The following PCDHGA1 variants were observed in gnomAD, a reference collection of about 807,000 sequenced individuals.
The protein encoded by PCDHGA1 is protocadherin gamma-A1.
In PCDHGA1, 32 loss-of-function variants were observed where a neutral mutation model predicts 58.0. The ratio of observed to expected loss-of-function variants is 0.55; its 90% CI spans 0.42 to 0.74. PCDHGA1 has a LOEUF of 0.74. Ranked by LOEUF, PCDHGA1 falls within the 30% of genes least tolerant of loss-of-function variation. The probability of loss-of-function intolerance (pLI) is 0.00; values close to 1 mark genes in which losing one functional copy is unlikely to be tolerated. For synonymous variants in PCDHGA1, 498 were observed against 501.1 expected (o/e 0.99, Z 0.08); for missense variants, 1,205 against 1,182.3 (o/e 1.02, Z -0.28).
chr5:141,357,443 C>G, intron 1 of PCDHGA1: 2 of 1,614,222 alleles, frequency 1.2e-6, no homozygotes, highest in Non-Finnish European at 8.5e-7. Flanking sequence ...GGGGTTCGGG[C>G]TTTCCTGCAG....
intron 1 of PCDHGA1, among the ~76,000 whole-genome samples, chr5:141,464,966 T>C (rs192224238): frequency 1.2e-3 from 178 of 152,274 alleles, no homozygotes; most frequent in Middle Eastern, 3.4e-3. Flanking sequence ...TGTCTTGAAC[T>C]ACTGGCTTCA....
At chr5:141,399,002 C>G in intron 1 of PCDHGA1, 6 of 1,613,830 alleles carry the variant, frequency 3.7e-6, no homozygotes, top group Non-Finnish European at 4.2e-6. Context: ...AGTCTGAATT[C>G]AAAGAGCGGA....
At chr5:141,376,047 C>G (rs778307171) in intron 1 of PCDHGA1, 2 of 1,613,296 alleles carry the variant, frequency 1.2e-6, no homozygotes, top group South Asian at 2.2e-5. Flanking sequence ...CCCCCTCTCT[C>G]CGCCACTGTC....
chr5:141,487,812 T>A lies in PCDHGA1; in HGVS notation c.2422-6995T>A. ...TAACCAGAGTTGTCACAGTTTAGCA[T>A]TGGGGGCGGGTCATGCCTATATCTG... On this transcript the variant is annotated intron_variant, in intron 1 of 3. Coordinates refer to ENST00000517417, the MANE Select transcript of PCDHGA1 (RefSeq NM_018912.3). The surrounding 1 kb of genome is among the most constrained non-coding windows in gnomAD (Gnocchi z 5.0). 1 of 1,408,206 alleles carries A rather than the reference T, an allele frequency of 7.1e-7. No individual in the cohort carries two copies. The highest frequency in any genetic ancestry group is 9.7e-7 in the Non-Finnish European group (1 of 1,036,248). 87.2% of individuals were successfully genotyped at this position (1,408,206 alleles called of 1,614,324 possible). A position where few individuals can be genotyped will look rare whatever the true frequency, so the allele number is the denominator to read the frequency against.
At chr5:141,415,043 T>G in intron 1 of PCDHGA1, 2 of 1,613,396 alleles carry the variant, frequency 1.2e-6, no homozygotes, top group Non-Finnish European at 1.7e-6. Flanking sequence ...CTCTTCGCGG[T>G]GGGGGAGCAC....
intron 1 of PCDHGA1, among the ~76,000 whole-genome samples, chr5:141,449,588 C>CA (rs768743917): frequency 0.036 from 2,064 of 56,756 alleles, 20 homozygotes; most frequent in Middle Eastern, 0.06. Context: ...GACTCTGTCT[C>CA]AAAAAAAAAA....
At position 141,431,516 on chromosome 5, in the gene PCDHGA1, G is replaced by C. The variant is rs941913367; in HGVS notation, c.2422-63291G>C. 3.1e-6 allele frequency: 5 copies of C among 1,613,954 alleles called. No homozygotes were observed. In the African/African-American group the frequency reaches 6.7e-5, roughly 22 times the overall value. On this transcript the variant is annotated intron_variant, in intron 1 of 3. Coordinates refer to ENST00000517417, the MANE Select transcript of PCDHGA1 (RefSeq NM_018912.3). This position sits in a 1 kb window ranked among gnomAD's most constrained non-coding sequence, Gnocchi z 4.8. ...GCCCGAGTACCGCGCGAGCGTTCCG[G>C]AGAATCTGGCCTTGGGCACGCAGCT... is the stretch of plus-strand genomic sequence containing the variant.
In PCDHGA1 at chr5:141,330,920, C is replaced by T; in HGVS notation, c.236C>T (p.Pro79Leu). The change falls in exon 1 of 4, where the codon CCT becomes CTT. Residue 79 changes from proline (P) to leucine (L), a missense_variant. Pro to Leu is a moderately conservative substitution (Grantham distance 98, BLOSUM62 -3). Transcript: ENST00000517417. ...RGRMPLFALN[P>L]RSGSLITARR... is the part of the protein sequence containing the mutation. ...AGGATGCCGCTTTTCGCTCTGAATC[C>T]TAGAAGTGGCAGCTTGATCACCGCG... The T allele has an allele frequency of 1.9e-6, 3 of 1,614,154 alleles. No homozygotes were observed. Among genetic ancestry groups the T allele is most frequent in the Non-Finnish European group, 2.5e-6 (3 of 1,180,010 alleles).
At chr5:141,375,991 C>T (rs770239249) in intron 1 of PCDHGA1, 3 of 1,613,448 alleles carry the variant, frequency 1.9e-6, no homozygotes, top group Non-Finnish European at 1.7e-6. Context: ...TGGACAGAGA[C>T]GCGCTCAAGC....
At position 141,330,620 on chromosome 5, in the gene PCDHGA1, GCT is replaced by G. The variant is rs1756316258; in HGVS notation, c.-63_-62del. ...TCTCCTGAAAATTGGGTTAATTTCA[GCT>G]CAGAAAAGCAGAAACGATACCCTTG... is the stretch of plus-strand genomic sequence containing the variant. On this transcript the variant is annotated 5_prime_UTR_variant, in exon 1 of 4. Coordinates refer to ENST00000517417, the MANE Select transcript of PCDHGA1 (RefSeq NM_018912.3). 1.2e-5 allele frequency: 18 copies of G among 1,498,416 alleles called. No homozygotes were observed. In the South Asian group the frequency reaches 2.5e-4, roughly 21 times the overall value. 92.8% of individuals were successfully genotyped at this position (1,498,416 alleles called of 1,614,324 possible). A position where few individuals can be genotyped will look rare whatever the true frequency, so the allele number is the denominator to read the frequency against.
chr5:141,488,751 C>T (rs1185515068), intron 1 of PCDHGA1, among the ~76,000 whole-genome samples: 1 of 152,154 alleles, frequency 6.6e-6, no homozygotes, highest in Non-Finnish European at 1.5e-5. Context: ...CAGGAAGTTG[C>T]TGGGACAGAA....
At chr5:141,349,596 A>G (rs964490671) in intron 1 of PCDHGA1, among the ~76,000 whole-genome samples, 7 of 152,208 alleles carry the variant, frequency 4.6e-5, no homozygotes, top group African/African-American at 1.7e-4. Flanking sequence ...TGCAAAAACT[A>G]TTTTTGAAAA....
In PCDHGA1 at chr5:141,375,969, C is replaced by T. The variant is rs778872651; in HGVS notation, c.2421+42864C>T. 3 of 1,613,328 alleles carry T rather than the reference C, an allele frequency of 1.9e-6. No individual in the cohort carries two copies. The South Asian group carries it at 3.3e-5, about 18-fold the overall frequency. On this transcript the variant is annotated intron_variant, in intron 1 of 3. Transcript: ENST00000517417. ...CTGCACACGGGCGAGGTGCGCACGG[C>T]GCGCGCCCTGCTGGACAGAGACGCG...
chr5:141,345,647 G>A (rs754384380), intron 1 of PCDHGA1: 2 of 1,614,204 alleles, frequency 1.2e-6, no homozygotes, highest in Non-Finnish European at 8.5e-7. Flanking sequence ...GCGACAGCGG[G>A]AACCCTCCAC....
chr5:141,356,207 C>T (rs763189186), intron 1 of PCDHGA1: 1 of 1,606,100 alleles, frequency 6.2e-7, no homozygotes. Flanking sequence ...GTACTGGTGA[C>T]AGTTCTGGAT....
At chr5:141,393,524 C>T (rs1197723193) in intron 1 of PCDHGA1, 4 of 1,614,010 alleles carry the variant, frequency 2.5e-6, no homozygotes, top group South Asian at 2.2e-5. Context: ...ATACAAATGA[C>T]AATGCCCCGG....
intron 1 of PCDHGA1, chr5:141,361,654 G>C (rs779307225): frequency 6.2e-7 from 1 of 1,613,782 alleles, no homozygotes; most frequent in Non-Finnish European, 8.5e-7. Flanking sequence ...CTACGTGTCC[G>C]TGAGCGCGCA....
chr5:141,351,403 T>C, intron 1 of PCDHGA1: 7 of 1,611,574 alleles, frequency 4.3e-6, no homozygotes, highest in Non-Finnish European at 5.1e-6. Context: ...TGACATGCTA[T>C]ACTCAGGAAG....
At chr5:141,392,770 T>G in intron 1 of PCDHGA1, 1 of 1,511,750 alleles carries the variant, frequency 6.6e-7, no homozygotes, top group South Asian at 1.3e-5. Flanking sequence ...AAGACCCATT[T>G]ATGCACAGTG....
Sources: allele counts gnomAD v4.1 joint callset (sites outside exome capture counted in the v4.1 genomes callset), GRCh38; gene constraint gnomAD v4.1.1; non-coding constraint Gnocchi (gnomAD v3.1); transcripts MANE v1.5; gene names NCBI Gene and HGNC (gene_info 2026-07-23, HGNC 2026-07-21).